Variants in CSMD1 observed in about 807,000 individuals in gnomAD.
CSMD1 encodes CUB and Sushi multiple domains 1.
CSMD1 carries 213 observed loss-of-function variants against 417.5 expected under a neutral mutation model. The ratio of observed to expected loss-of-function variants is 0.51; its 90% CI spans 0.46 to 0.57. The LOEUF (loss-of-function observed/expected upper bound fraction) is 0.57, where lower values mean the gene tolerates loss of function less well. CSMD1 is among the 20% of genes least tolerant of loss of function. CSMD1 has a pLI of 0.00. For synonymous variants in CSMD1, 2,862 were observed against 1,736.8 expected, an observed-to-expected ratio of 1.65 and a Z score of -16.11; for missense variants, 6,923 against 4,529.7, an observed-to-expected ratio of 1.53 and a Z score of -15.17.
chr8:3,156,839 G>C (rs1054410411), intron 39 of CSMD1, among the ~76,000 whole-genome samples: 1 of 151,924 alleles, frequency 6.6e-6, no homozygotes, highest in African/African-American at 2.4e-5. Flanking sequence ...TTTAGGAGGG[G>C]ACTGTGCCAT....
chr8:4,931,470 T>G (rs1041874311), intron 1 of CSMD1, among the ~76,000 whole-genome samples: 3 of 152,162 alleles, frequency 2.0e-5, no homozygotes, highest in Non-Finnish European at 1.5e-5. Context: ...CCACCGTCTG[T>G]CCCAGCAATC....
rs183034066 is a variant in CSMD1, at chr8:4,110,057, G to C, written c.416-77958C>G. On this transcript the variant is annotated intron_variant, in intron 3 of 69. Transcript: ENST00000635120. ...TGCCCAGGCTAGACTGAAACTTGAA[G>C]TCACCCAATGATCACGTGGAATAAT... Among the ~76,000 whole-genome samples the C allele has an allele frequency of 1.3e-3, 192 of 152,262 alleles. 2 individuals carry two copies. Among genetic ancestry groups the C allele is most frequent in the East Asian group, 9.7e-4 (5 of 5,170 alleles).
chr8:4,340,201 C>A (rs1384904273), intron 3 of CSMD1, among the ~76,000 whole-genome samples: 1 of 151,802 alleles, frequency 6.6e-6, no homozygotes, highest in Non-Finnish European at 1.5e-5. Context: ...CTAATGACAC[C>A]TTCGCCAAGA....
intron 6 of CSMD1, among the ~76,000 whole-genome samples, chr8:3,713,617 C>A (rs1340698311): frequency 6.6e-6 from 1 of 152,168 alleles, no homozygotes; most frequent in Non-Finnish European, 1.5e-5. Flanking sequence ...CCGTACCGTC[C>A]TTCATTAGAT....
chr8:3,965,880 G>T lies in CSMD1; in HGVS notation c.818+32023C>A, dbSNP rs142530204. ...ACTGTGCCAGCCTTGGCCTTTTGAA[G>T]TGCTAGGACTACAGGTATGAGCCAC... On this transcript the variant is annotated intron_variant, in intron 5 of 69. Transcript: ENST00000635120. Among the ~76,000 whole-genome samples, 817 of 152,254 alleles carry T rather than the reference G, an allele frequency of 5.4e-3. 8 individuals are homozygous for T. Among genetic ancestry groups the T allele is most frequent in the Admixed American group, 7.2e-3 (110 of 15,292 alleles).
chr8:4,062,727 T>C (rs1323120804), intron 3 of CSMD1, among the ~76,000 whole-genome samples: 1 of 149,780 alleles, frequency 6.7e-6, no homozygotes, highest in Non-Finnish European at 1.5e-5. Flanking sequence ...ATCAGCATTA[T>C]CAAATTCAAA....
intron 2 of CSMD1, among the ~76,000 whole-genome samples, chr8:4,623,857 G>C (rs1801931324): frequency 1.3e-5 from 2 of 152,082 alleles, no homozygotes; most frequent in African/African-American, 4.8e-5. Context: ...ACACAGGATG[G>C]ATGACCGGGG....
Position 3,369,319 on chromosome 8 carries a change from C to T in CSMD1, c.2834G>A (p.Gly945Glu). 2 of 1,608,190 alleles carry T rather than the reference C, an allele frequency of 1.2e-6. No individual in the cohort carries two copies. Among genetic ancestry groups the T allele is most frequent in the Non-Finnish European group, 1.7e-6 (2 of 1,175,150 alleles). ...AGAGTTTGGATAAAAATCTGGAAAC[C>T]CAGGAGAAAGGACTGTTCCACTCTT... The part of the protein sequence containing the change: ...QGKSGTVLSP[G>E]FPDFYPNSLN... The change falls in exon 19 of 70, where the codon GGG becomes GAG. Residue 945 changes from glycine (G) to glutamate (E), a missense_variant. Gly to Glu is a moderately conservative substitution (Grantham distance 98). Transcript: ENST00000635120.
chr8:3,278,947 G>A (rs894347427), intron 26 of CSMD1: 1 of 152,332 alleles, frequency 6.6e-6, no homozygotes, highest in African/African-American at 2.4e-5. Flanking sequence ...AATTACGACT[G>A]AGGGGTTATA....
In CSMD1 at chr8:3,103,908, T is replaced by C. The variant is rs986724480; in HGVS notation, c.6949+2620A>G. ...ACAGGCACGTGCCACCACACGCAGC[T>C]AATTTTGTATTTTCAGTAGACACGG... On this transcript the variant is annotated intron_variant, in intron 46 of 69. Transcript: ENST00000635120. 1.2e-3 allele frequency among the ~76,000 whole-genome samples: 184 copies of C among 152,020 alleles called. 1 individual carries two copies. The highest frequency in any genetic ancestry group is 4.1e-3 in the African/African-American group (170 of 41,486).
At chr8:4,293,761 A>T (rs1207373077) in intron 3 of CSMD1, among the ~76,000 whole-genome samples, 3 of 152,340 alleles carry the variant, frequency 2.0e-5, no homozygotes, top group African/African-American at 7.2e-5. Flanking sequence ...TTTGTCTTAT[A>T]TCAGTTTGGT....
chr8:3,852,490 G>C (rs141455751), intron 5 of CSMD1, among the ~76,000 whole-genome samples: 1 of 152,196 alleles, frequency 6.6e-6, no homozygotes, highest in East Asian at 1.9e-4. Flanking sequence ...CTGGGATATA[G>C]AAGATGCTGA....
In CSMD1 at chr8:3,742,568, G is replaced by A. The variant is rs1027672678; in HGVS notation, c.931+11362C>T. Among the ~76,000 whole-genome samples the A allele has an allele frequency of 5.3e-5, 8 of 152,216 alleles. No homozygotes were observed. The South Asian group carries it at 1.5e-3, about 28-fold the overall frequency. On this transcript the variant is annotated intron_variant, in intron 6 of 69. Transcript: ENST00000635120. ...CTGTGGACATGGTGAAGAAAGTGAC[G>A]CATTGCCTCTGCCCCGGGCCAGTAG... is the stretch of plus-strand genomic sequence containing the variant.
chr8:3,175,737 C>A (rs556414694), intron 37 of CSMD1, among the ~76,000 whole-genome samples: 9 of 152,190 alleles, frequency 5.9e-5, no homozygotes, highest in African/African-American at 2.2e-4. Context: ...TACTGCTGGG[C>A]TACTATGTAA....
intron 1 of CSMD1, among the ~76,000 whole-genome samples, chr8:4,806,682 C>A (rs1473061732): frequency 6.6e-6 from 1 of 152,212 alleles, no homozygotes; most frequent in African/African-American, 2.4e-5. Flanking sequence ...ACCATGGTCG[C>A]AGTGCCTGTG....
chr8:3,453,060 C>T (rs973823066), intron 12 of CSMD1, among the ~76,000 whole-genome samples: 10 of 152,070 alleles, frequency 6.6e-5, no homozygotes, highest in East Asian at 1.9e-4. Context: ...GTGTATGTGT[C>T]GAGGAATTTA....
At chr8:3,866,225 T>C (rs749273610) in intron 5 of CSMD1, among the ~76,000 whole-genome samples, 8 of 152,254 alleles carry the variant, frequency 5.3e-5, no homozygotes, top group Non-Finnish European at 7.3e-5. Flanking sequence ...ATTCTAGTTT[T>C]GTTGCCACAG....
chr8:3,893,362 T>TATATATATATATATATATATA (rs1554476819), intron 5 of CSMD1, among the ~76,000 whole-genome samples: 315 of 125,172 alleles, frequency 2.5e-3, no homozygotes, highest in East Asian at 3.0e-3. Context: ...TATATATATA[T>TATATATATATATATATATATA]TATTTTTTTT....
intron 12 of CSMD1, among the ~76,000 whole-genome samples, chr8:3,466,140 G>A (rs1354530517): frequency 1.3e-5 from 2 of 151,892 alleles, no homozygotes; most frequent in South Asian, 2.1e-4. Context: ...CATGTGTTAT[G>A]AGCCTTACAT....
Sources: allele counts gnomAD v4.1 joint callset (sites outside exome capture counted in the v4.1 genomes callset), GRCh38; gene constraint gnomAD v4.1.1; transcripts MANE v1.5; gene names NCBI Gene and HGNC (gene_info 2026-07-23, HGNC 2026-07-21).